Variants in VEPH1 observed in about 807,000 individuals in gnomAD.
The protein encoded by VEPH1 is ventricular zone expressed PH domain containing 1.
Under a neutral mutation model 85.2 loss-of-function variants are expected in VEPH1, and 80 were observed. The observed-to-expected ratio is 0.94, with a 90% CI of 0.78 to 1.13. The LOEUF is 1.13. Among genes scored for constraint, VEPH1 ranks in the 50% most tolerant of loss-of-function variants. The pLI, the probability that VEPH1 is intolerant of heterozygous loss-of-function variation, is 0.00. For missense variants in VEPH1, 955 were observed against 980.5 expected (o/e 0.97, Z 0.35); for synonymous variants, 297 against 348.0 (o/e 0.85, Z 1.63).
At chr3:157,442,343 T>C in intron 4 of VEPH1, 1 of 1,533,618 alleles carries the variant, frequency 6.5e-7, no homozygotes, top group Non-Finnish European at 8.9e-7. Flanking sequence ...TTTAATATTC[T>C]TCTTATTTTC....
At chr3:157,458,318 C>T (rs867509670) in intron 4 of VEPH1, among the ~76,000 whole-genome samples, 4 of 152,044 alleles carry the variant, frequency 2.6e-5, no homozygotes, top group South Asian at 2.1e-4. Context: ...GTGTCTTAAT[C>T]GCCTTCAGCT....
chr3:157,438,227 C>A (rs1397847199), intron 4 of VEPH1, among the ~76,000 whole-genome samples: 1 of 151,996 alleles, frequency 6.6e-6, no homozygotes, highest in Non-Finnish European at 1.5e-5. Context: ...GCCCCTTACA[C>A]CCGATCCGAC....
At chr3:157,438,701 C>G (rs1733877074) in intron 4 of VEPH1, among the ~76,000 whole-genome samples, 1 of 152,158 alleles carries the variant, frequency 6.6e-6, no homozygotes, top group Admixed American at 6.5e-5. Flanking sequence ...CTCAAAGTCC[C>G]ATGTGACACT....
At chr3:157,271,502 A>C (rs754742163) in intron 12 of VEPH1, among the ~76,000 whole-genome samples, 9 of 152,232 alleles carry the variant, frequency 5.9e-5, no homozygotes, top group African/African-American at 9.6e-5. Context: ...TGAAGAGGAA[A>C]GGGCAGAGAA....
In VEPH1 at chr3:157,381,223, T is replaced by C. The variant is rs766106921; in HGVS notation, c.1060A>G (p.Asn354Asp). 5.0e-6 allele frequency: 8 copies of C among 1,614,046 alleles called. No individual in the cohort carries two copies. Among genetic ancestry groups the C allele is most frequent in the Non-Finnish European group, 5.9e-6 (7 of 1,179,996 alleles). ...PQSRDIFRMSNSFTAIAKLLT... is the reference protein window; with the variant it reads ...PQSRDIFRMSDSFTAIAKLLT... ...AGTTTAGCAATGGCGGTGAAGCTGT[T>C]GCTCATGCGGAAGATGTCTCTGCTC... The change falls in exon 7 of 14, where the codon AAC becomes GAC. Residue 354 changes from asparagine to aspartate, a missense_variant. Physicochemically the swap from Asn to Asp is conservative, Grantham distance 23. Transcript: ENST00000362010.
At chr3:157,486,016 A>G (rs1380015169) in intron 2 of VEPH1, among the ~76,000 whole-genome samples, 1 of 152,214 alleles carries the variant, frequency 6.6e-6, no homozygotes, top group Non-Finnish European at 1.5e-5. Context: ...ATAATGGAAA[A>G]TGTAAAACAT....
At chr3:157,459,788 T>C (rs745885602) in intron 4 of VEPH1, 6 of 1,479,014 alleles carry the variant, frequency 4.1e-6, no homozygotes, top group Non-Finnish European at 3.6e-6. Flanking sequence ...ACAAAAGACA[T>C]TTCTTGCTTT....
chr3:157,363,217 AACTAACATAATGTAAGGTATTT>A, intron 9 of VEPH1, 125 bp downstream of exon 9: 1 of 770,356 alleles, frequency 1.3e-6, no homozygotes, highest in Non-Finnish European at 1.9e-6. Flanking sequence ...AAAAAAAAAA[AACTAACATAATGTAAGGTATTT>A]AAAAAAAATG....
chr3:157,400,078 T>G (rs1449760090), intron 6 of VEPH1, among the ~76,000 whole-genome samples: 1 of 152,170 alleles, frequency 6.6e-6, no homozygotes, highest in African/African-American at 2.4e-5. Flanking sequence ...TTGTCAATTG[T>G]AAAAGGAATA....
Position 157,495,262 on chromosome 3 carries a change from C to G in VEPH1, c.88G>C (p.Asp30His), listed in dbSNP as rs1739569784. The G allele has an allele frequency of 1.2e-6, 2 of 1,613,928 alleles. No individual in the cohort carries two copies. The highest frequency in any genetic ancestry group is 3.3e-5 in the Admixed American group (2 of 60,004). ...LFSLDDSEIE[D>H]SLTEALEQIK... ...TGCTCCAAAGCTTCTGTAAGGCTGT[C>G]TTCAATCTCAGAGTCATCTAAGGAG... Residue 30 changes from aspartate (D) to histidine (H), a missense_variant, in exon 2 of 14, where the codon GAC becomes CAC. Asp to His is a moderately conservative substitution (Grantham distance 81, BLOSUM62 -1). Coordinates refer to ENST00000362010, the MANE Select transcript of VEPH1 (RefSeq NM_001167912.2).
rs564529606 is a variant in VEPH1, at chr3:157,294,244, A to AT, written c.2011-7571dup. Among the ~76,000 whole-genome samples, 271 of 151,736 alleles carry AT rather than the reference A, an allele frequency of 1.8e-3. 2 individuals are homozygous for AT. The highest frequency in any genetic ancestry group is 0.017 in the Middle Eastern group (5 of 294). Reference sequence around the variant, plus strand: ...GTGCTTCTCTCATTCTCATAATTTTATTTTTTTTCCTTTATCCCTAATACC... The same window carrying AT: ...GTGCTTCTCTCATTCTCATAATTTTATTTTTTTTTCCTTTATCCCTAATACC... On this transcript the variant is annotated intron_variant, in intron 11 of 13. Transcript: ENST00000362010.
At chr3:157,429,228 C>A (rs1313446107) in intron 4 of VEPH1, among the ~76,000 whole-genome samples, 2 of 152,166 alleles carry the variant, frequency 1.3e-5, no homozygotes, top group East Asian at 3.9e-4. Context: ...AAAATCCTCA[C>A]AAGTACTTAA....
At chr3:157,382,191 T>C (rs1310849481) in intron 6 of VEPH1, among the ~76,000 whole-genome samples, 1 of 152,250 alleles carries the variant, frequency 6.6e-6, no homozygotes, top group African/African-American at 2.4e-5. Flanking sequence ...ACAGTTTTTA[T>C]ATGCTTGGCC....
chr3:157,326,147 G>T (rs1721882442), intron 9 of VEPH1, among the ~76,000 whole-genome samples: 1 of 152,146 alleles, frequency 6.6e-6, no homozygotes, highest in Non-Finnish European at 1.5e-5. Flanking sequence ...TGTTGTTGGT[G>T]TATAGGAATG....
chr3:157,356,153 C>T (rs1317628654), intron 9 of VEPH1, among the ~76,000 whole-genome samples: 1 of 152,110 alleles, frequency 6.6e-6, no homozygotes, highest in Non-Finnish European at 1.5e-5. Context: ...CCCACCTCGG[C>T]TTTCCAGTGT....
At chr3:157,425,951 G>A (rs886588071) in intron 5 of VEPH1, among the ~76,000 whole-genome samples, 2 of 152,124 alleles carry the variant, frequency 1.3e-5, no homozygotes, top group Non-Finnish European at 2.9e-5. Flanking sequence ...CTCCCATACT[G>A]TTCTCATGGT....
At chr3:157,464,619 T>C (rs2109401617) in intron 3 of VEPH1, among the ~76,000 whole-genome samples, 1 of 152,262 alleles carries the variant, frequency 6.6e-6, no homozygotes, top group South Asian at 2.1e-4. Context: ...CAAGAGAGCT[T>C]TGTTCTACGG....
chr3:157,490,433 A>C (rs957115245), intron 2 of VEPH1, among the ~76,000 whole-genome samples: 6 of 152,094 alleles, frequency 3.9e-5, no homozygotes, highest in Admixed American at 6.5e-5. Flanking sequence ...GAAAAAAAAA[A>C]CATAAACAGA....
chr3:157,371,521 G>A (rs76243252), intron 7 of VEPH1, among the ~76,000 whole-genome samples: 6,468 of 152,254 alleles, frequency 0.042, 229 homozygotes, highest in South Asian at 0.14. Flanking sequence ...CATCACCTTG[G>A]AGCTTGTCAG....
Sources: gnomAD v4.1 joint callset for allele counts (sites outside exome capture counted in the v4.1 genomes callset) on GRCh38, gnomAD v4.1.1 for gene constraint, MANE v1.5 for transcripts, NCBI Gene and HGNC (gene_info 2026-07-23, HGNC 2026-07-21) for gene names.